The following LGSN variants were observed in gnomAD, a reference collection of about 807,000 sequenced individuals.
The protein encoded by LGSN is lengsin, lens protein with glutamine synthetase domain.
LGSN carries 21 observed loss-of-function variants against 19.5 expected under a neutral mutation model. The observed-to-expected ratio is 1.07, with a 90% confidence interval of 0.76 to 1.55. LGSN has a LOEUF of 1.55. LGSN is among the 40% of genes most tolerant of loss of function. LGSN has a pLI of 0.00. For missense variants in LGSN, 673 were observed against 608.5 expected (o/e 1.11, Z -1.12); for synonymous variants, 257 against 215.6 (o/e 1.19, Z -1.68).
chr6:63,357,487 G>A, the LGSN span, among the ~76,000 whole-genome samples: 1 of 152,262 alleles, frequency 6.6e-6, no homozygotes, highest in East Asian at 1.9e-4. Flanking sequence ...ATCCTCTCCA[G>A]CACCTGTTGT....
the LGSN span, among the ~76,000 whole-genome samples, chr6:63,467,766 A>C: frequency 3.9e-5 from 6 of 152,148 alleles, no homozygotes; most frequent in Non-Finnish European, 8.8e-5. Context: ...ATCTCGGCTC[A>C]CTGCAACCTC....
chr6:63,412,556 AAGAAAG>A, the LGSN span, among the ~76,000 whole-genome samples: 4 of 138,434 alleles, frequency 2.9e-5, no homozygotes, highest in African/African-American at 1.2e-4. Context: ...GAAAGAAAGA[AAGAAAG>A]AAAGAAAGGA....
the LGSN span, among the ~76,000 whole-genome samples, chr6:63,416,804 G>A: frequency 6.6e-6 from 1 of 151,912 alleles, no homozygotes; most frequent in Non-Finnish European, 1.5e-5. Context: ...CTGACCTCAA[G>A]TGATCTGCCC....
chr6:63,415,180 G>A, the LGSN span, among the ~76,000 whole-genome samples: 2 of 151,930 alleles, frequency 1.3e-5, no homozygotes, highest in Non-Finnish European at 2.9e-5. Context: ...ATACAACCAG[G>A]CATGCTAGTA....
At chr6:63,360,840 G>A in the LGSN span, among the ~76,000 whole-genome samples, 2 of 152,302 alleles carry the variant, frequency 1.3e-5, no homozygotes, top group East Asian at 3.9e-4. Flanking sequence ...TTTTGGTGTG[G>A]ATGTCCTTTC....
At chr6:63,306,722 A>G (rs1450481404) in intron 1 of LGSN, among the ~76,000 whole-genome samples, 2 of 152,206 alleles carry the variant, frequency 1.3e-5, no homozygotes, top group Admixed American at 6.5e-5. Context: ...ACAAAAAAAC[A>G]CAATGGGCTG....
chr6:63,428,195 C>CAATAAAGAAAG, the LGSN span, among the ~76,000 whole-genome samples: 37 of 152,068 alleles, frequency 2.4e-4, no homozygotes, highest in Non-Finnish European at 5.0e-4. Context: ...AAAGCAGGTT[C>CAATAAAGAAAG]CCCAACCTAC....
chr6:63,504,520 G>T, the LGSN span, among the ~76,000 whole-genome samples: 1 of 152,266 alleles, frequency 6.6e-6, no homozygotes, highest in South Asian at 2.1e-4. Context: ...GATTACAGGC[G>T]TGAGCCACTG....
chr6:63,389,409 A>T, the LGSN span, among the ~76,000 whole-genome samples: 2 of 152,228 alleles, frequency 1.3e-5, no homozygotes, highest in African/African-American at 4.8e-5. Flanking sequence ...TAGAAACTAC[A>T]CTCAGTCTAG....
At chr6:63,442,687 A>C in the LGSN span, among the ~76,000 whole-genome samples, 22,994 of 151,998 alleles carry the variant, frequency 0.15, 4,151 homozygotes, top group African/African-American at 0.43. Flanking sequence ...CTTGAGCTAG[A>C]CACAGAGTGC....
chr6:63,372,810 C>T, the LGSN span, among the ~76,000 whole-genome samples: 1 of 152,064 alleles, frequency 6.6e-6, no homozygotes, highest in Non-Finnish European at 1.5e-5. Context: ...TGACAAAAGG[C>T]TTTCCTAACA....
chr6:63,326,260 G>A, the LGSN span, among the ~76,000 whole-genome samples: 74 of 152,156 alleles, frequency 4.9e-4, 1 homozygote, highest in East Asian at 0.013. Context: ...CTAGATACAA[G>A]GTGCTGATTG....
the LGSN span, among the ~76,000 whole-genome samples, chr6:63,532,727 T>G: frequency 6.6e-6 from 1 of 152,130 alleles, no homozygotes; most frequent in Non-Finnish European, 1.5e-5. Flanking sequence ...GTTAAAATAT[T>G]TTATTGTTAC....
the LGSN span, among the ~76,000 whole-genome samples, chr6:63,417,046 CT>C: frequency 1.3e-5 from 2 of 152,034 alleles, no homozygotes; most frequent in East Asian, 3.8e-4. Flanking sequence ...AATCCCTCTT[CT>C]TTAACCTGTT....
the LGSN span, among the ~76,000 whole-genome samples, chr6:63,520,337 T>C: frequency 6.6e-6 from 1 of 152,244 alleles, no homozygotes; most frequent in East Asian, 1.9e-4. Flanking sequence ...ACACTAAAAA[T>C]GAAAATAGAC....
At chr6:63,510,743 G>A in the LGSN span, among the ~76,000 whole-genome samples, 4 of 140,104 alleles carry the variant, frequency 2.9e-5, no homozygotes, top group South Asian at 2.2e-4. Context: ...ACACAATCTC[G>A]GCTCACTGTA....
the LGSN span, among the ~76,000 whole-genome samples, chr6:63,501,021 G>A: frequency 2.6e-5 from 4 of 152,006 alleles, no homozygotes; most frequent in Non-Finnish European, 4.4e-5. Flanking sequence ...GAGCCACTGT[G>A]CCTGACTGAC....
chr6:63,545,349 C>A, the LGSN span, among the ~76,000 whole-genome samples: 1 of 152,178 alleles, frequency 6.6e-6, no homozygotes, highest in Admixed American at 6.5e-5. Context: ...GTGGCTCATG[C>A]CTGTAATCCC....
the LGSN span, among the ~76,000 whole-genome samples, chr6:63,400,827 C>T: frequency 6.6e-6 from 1 of 152,258 alleles, no homozygotes; most frequent in African/African-American, 2.4e-5. Flanking sequence ...AACCCTGTCT[C>T]TGCTAAAAAT....
Sources: allele counts gnomAD v4.1 joint callset (sites outside exome capture counted in the v4.1 genomes callset), GRCh38; gene constraint gnomAD v4.1.1; transcripts MANE v1.5; gene names NCBI Gene and HGNC (gene_info 2026-07-23, HGNC 2026-07-21).